The following SVIL variants were observed in gnomAD, a reference collection of about 807,000 sequenced individuals.
SVIL encodes the protein supervillin, also known as archvillin.
A neutral mutation model predicts 240.4 loss-of-function variants in SVIL; 101 were observed. The ratio of observed to expected loss-of-function variants is 0.42; its 90% CI spans 0.36 to 0.50. SVIL has a LOEUF of 0.50. SVIL is among the 20% of genes least tolerant of loss of function. The pLI is 0.01. For synonymous variants in SVIL, 999 were observed against 1,100.0 expected, an observed-to-expected ratio of 0.91 and a Z score of 1.82; for missense variants, 2,512 against 2,818.7, an observed-to-expected ratio of 0.89 and a Z score of 2.46.
At chr10:29,605,097 G>A (rs755150779) in intron 1 of SVIL, among the ~76,000 whole-genome samples, 2 of 152,164 alleles carry the variant, frequency 1.3e-5, no homozygotes, top group Non-Finnish European at 2.9e-5. Context: ...TCATATATAA[G>A]CAGAAGTGTG....
chr10:29,463,605 A>C lies in SVIL; in HGVS notation c.6164T>G (p.Val2055Gly). The C allele has an allele frequency of 6.2e-7, 1 of 1,614,064 alleles. No homozygotes were observed. Among genetic ancestry groups the C allele is most frequent in the Non-Finnish European group, 8.5e-7 (1 of 1,180,004 alleles). Residue 2055 changes from valine (V) to glycine (G), a missense_variant, in exon 35 of 38, where the codon GTG (valine) becomes GGG (glycine). Physicochemically the swap from Val to Gly is moderately radical, Grantham distance 109 (BLOSUM62 -3). Coordinates refer to ENST00000355867, the MANE Select transcript of SVIL (RefSeq NM_021738.3). ...GGGCCACCAGCCTTGCCAGAGGTAC[A>C]CCTCGTGGTGATTGTCAACAAGGAA... is the stretch of plus-strand genomic sequence containing the variant. ...ALFLVDNHHE[V>G]YLWQGWWPIE...
chr10:29,648,581 A>G (rs560853951), intron 3 of SVIL, among the ~76,000 whole-genome samples: 15 of 152,324 alleles, frequency 9.8e-5, no homozygotes, highest in African/African-American at 3.1e-4. Context: ...AGAGGCAGTT[A>G]GTTCTAAGAA....
intron 1 of SVIL, among the ~76,000 whole-genome samples, chr10:29,630,193 C>A (rs183899971): frequency 6.6e-6 from 1 of 152,092 alleles, no homozygotes; most frequent in Admixed American, 6.5e-5. Context: ...AGGACCCACC[C>A]GGAGCTCTGC....
intron 3 of SVIL, 34 bp downstream of exon 3, chr10:29,563,167 C>T (rs1490845493): frequency 2.5e-6 from 2 of 801,164 alleles, no homozygotes; most frequent in Non-Finnish European, 3.0e-6. Flanking sequence ...ACGCATCTAC[C>T]CAGACATGGT....
chr10:29,481,484 C>T (rs2132355499), intron 28 of SVIL, 100 bp downstream of exon 28: 10 of 1,439,466 alleles, frequency 6.9e-6, no homozygotes, highest in Middle Eastern at 1.8e-4. Context: ...TCTGGGGTGA[C>T]AGCCATACGA....
At chr10:29,508,973 A>G (rs564530429) in intron 17 of SVIL, among the ~76,000 whole-genome samples, 2 of 152,376 alleles carry the variant, frequency 1.3e-5, no homozygotes, top group African/African-American at 4.8e-5. Flanking sequence ...GAAAATAACT[A>G]TTTGGTGAAA....
chr10:29,736,458 AG>A (rs747640901), upstream of SVIL, among the ~76,000 whole-genome samples: 1 of 152,158 alleles, frequency 6.6e-6, no homozygotes, highest in South Asian at 2.1e-4. Context: ...GCTGGAGGCC[AG>A]GGCCGCCCTA....
At chr10:29,668,104 A>G (rs2133052149) in intron 2 of SVIL, among the ~76,000 whole-genome samples, 1 of 152,308 alleles carries the variant, frequency 6.6e-6, no homozygotes, top group South Asian at 2.1e-4. Flanking sequence ...GCTTATTTTT[A>G]GAGAATAAAG....
At chr10:29,616,298 A>G (rs991359913) in intron 1 of SVIL, among the ~76,000 whole-genome samples, 5 of 152,142 alleles carry the variant, frequency 3.3e-5, no homozygotes, top group Admixed American at 2.0e-4. Context: ...CGGCCTCCCA[A>G]AGTGTTAGGA....
chr10:29,706,164 G>A (rs1269671318), intron 1 of SVIL, among the ~76,000 whole-genome samples: 1 of 152,052 alleles, frequency 6.6e-6, no homozygotes, highest in Non-Finnish European at 1.5e-5. Context: ...TATTCCTTGG[G>A]GTATATATTC....
chr10:29,510,132 A>T (rs1949719708), intron 17 of SVIL, among the ~76,000 whole-genome samples: 1 of 152,192 alleles, frequency 6.6e-6, no homozygotes, highest in Non-Finnish European at 1.5e-5. Context: ...GGGCTCAAGT[A>T]ATCCTCTTGT....
chr10:29,522,510 A>G lies in SVIL; in HGVS notation c.3289T>C (p.Cys1097Arg). The G allele has an allele frequency of 6.2e-7, 1 of 1,614,162 alleles. No individual in the cohort carries two copies. The highest frequency in any genetic ancestry group is 1.3e-5 in the African/African-American group (1 of 75,036). Residue 1097 changes from cysteine (C) to arginine (R), a missense_variant, in exon 16 of 38, where the codon TGC becomes CGC. Around this residue, in one of 3 missense-constraint regions of SVIL, gnomAD observed 1,443 missense variants for 1,486.6 expected, o/e 0.97. Coordinates refer to ENST00000355867, the MANE Select transcript of SVIL (RefSeq NM_021738.3). ...GCAAACATCGCACATGGATTCTTGC[A>G]GAGCTTCTCCTGTGGCTGTTCCGAA... ...DSSEQPQEKL[C>R]KNPCAMFAAG...
rs1329703782 is a variant in SVIL at position 29,523,517 on chromosome 10, C to A, written c.3097G>T (p.Asp1033Tyr). 6.2e-7 allele frequency: 1 copy of A among 1,613,906 alleles called. No individual in the cohort carries two copies. Among genetic ancestry groups the A allele is most frequent in the Non-Finnish European group, 8.5e-7 (1 of 1,179,978 alleles). ...ACCTTCTCTTCAAAGGGCAGCCTGT[C>A]CCTCAAGTCCAAGTTTCCTTGTGCA... ...MNAQGNLDLR[D>Y]RLPFEEKVEV... Residue 1033 changes from aspartate to tyrosine, a missense_variant, in exon 15 of 38, where the codon GAC (aspartate) becomes TAC (tyrosine). Around this residue, in one of 3 missense-constraint regions of SVIL, gnomAD observed 1,443 missense variants for 1,486.6 expected, o/e 0.97. Coordinates refer to ENST00000355867, the MANE Select transcript of SVIL (RefSeq NM_021738.3).
chr10:29,633,768 A>G (rs1361720451), intron 1 of SVIL, among the ~76,000 whole-genome samples: 2 of 152,100 alleles, frequency 1.3e-5, no homozygotes, highest in African/African-American at 4.8e-5. Flanking sequence ...TTACAAAGAG[A>G]CCATAGCAAT....
chr10:29,591,730 C>T (rs1191897372), intron 1 of SVIL, among the ~76,000 whole-genome samples: 2 of 152,136 alleles, frequency 1.3e-5, no homozygotes, highest in African/African-American at 2.4e-5. Flanking sequence ...TAGGATATAC[C>T]AGGGCAGCAG....
At chr10:29,646,353 G>T (rs1421150260) in intron 3 of SVIL, among the ~76,000 whole-genome samples, 1 of 152,114 alleles carries the variant, frequency 6.6e-6, no homozygotes, top group Non-Finnish European at 1.5e-5. Context: ...TTCAATATAG[G>T]ACTCCCTTGC....
At chr10:29,468,447 G>T (rs1298089914) in intron 32 of SVIL, among the ~76,000 whole-genome samples, 1 of 115,702 alleles carries the variant, frequency 8.6e-6, no homozygotes, top group Non-Finnish European at 1.7e-5. Context: ...TTTCTCTTGG[G>T]TAGATATCTA....
At chr10:29,548,418 A>C (rs190887991) in intron 6 of SVIL, among the ~76,000 whole-genome samples, 4 of 152,254 alleles carry the variant, frequency 2.6e-5, no homozygotes, top group Non-Finnish European at 5.9e-5. Flanking sequence ...AGCTTTAAGC[A>C]GGACAGTTAA....
intron 2 of SVIL, among the ~76,000 whole-genome samples, chr10:29,566,740 G>C (rs2132709240): frequency 6.6e-6 from 1 of 151,096 alleles, no homozygotes; most frequent in Middle Eastern, 3.5e-3. Flanking sequence ...TTCTGACTCA[G>C]AGGCCCCCCA....
Sources: allele counts gnomAD v4.1 joint callset (sites outside exome capture counted in the v4.1 genomes callset), GRCh38; gene constraint gnomAD v4.1.1; regional missense constraint gnomAD v4.1.1; transcripts MANE v1.5; gene names NCBI Gene and HGNC (gene_info 2026-07-23, HGNC 2026-07-21).